The following CLEC4D variants were observed in gnomAD, a reference collection of about 807,000 sequenced individuals.
CLEC4D encodes C-type (calcium dependent, carbohydrate-recognition domain) lectin, superfamily member 8.
CLEC4D carries 21 observed loss-of-function variants against 21.1 expected under a neutral mutation model. That is an observed-to-expected ratio of 1.00 (90% CI 0.71 to 1.43). The LOEUF is 1.43. Ranked by LOEUF, CLEC4D falls within the 40% of genes most tolerant of loss-of-function variation. The pLI, the probability that CLEC4D is intolerant of heterozygous loss-of-function variation, is 0.00. For synonymous variants in CLEC4D, 85 were observed against 83.1 expected (o/e 1.02, Z -0.12); for missense variants, 289 against 260.7 (o/e 1.11, Z -0.75).
Position 8,519,072 on chromosome 12 carries a change from T to C in CLEC4D, c.296T>C (p.Leu99Pro), listed in dbSNP as rs1274959087. Reference sequence around the variant, plus strand: ...TTCCAGTCCAACTGCTATTTTCCTCTTACTGACAACAAGACGTGGGCTGAG... The same window carrying C: ...TTCCAGTCCAACTGCTATTTTCCTCCTACTGACAACAAGACGTGGGCTGAG... Reference protein sequence around the residue: ...RAFQSNCYFPLTDNKTWAESE... With the variant: ...RAFQSNCYFPPTDNKTWAESE... The change falls in exon 4 of 6, where the codon CTT (leucine) becomes CCT (proline). Residue 99 changes from leucine to proline, a missense_variant. Physicochemically the swap from Leu to Pro is moderately conservative, Grantham distance 98. Coordinates refer to ENST00000299665, the MANE Select transcript of CLEC4D (RefSeq NM_080387.5). 8.7e-6 allele frequency: 14 copies of C among 1,614,082 alleles called. No individual in the cohort carries two copies. The highest frequency in any genetic ancestry group is 1.1e-5 in the Non-Finnish European group (13 of 1,180,028).
chr12:8,525,763 T>C (rs1040944742), downstream of CLEC4D, among the ~76,000 whole-genome samples: 1 of 152,226 alleles, frequency 6.6e-6, no homozygotes, highest in Non-Finnish European at 1.5e-5. Context: ...CTTTAGTTGA[T>C]GCAGTTTCTT....
chr12:8,525,880 T>C (rs1389636763), downstream of CLEC4D, among the ~76,000 whole-genome samples: 1 of 152,206 alleles, frequency 6.6e-6, no homozygotes, highest in Non-Finnish European at 1.5e-5. Flanking sequence ...AAGGCAGGCC[T>C]GGCGGTAACG....
rs1401643347 is a variant in CLEC4D at position 8,521,344 on chromosome 12, G to A, written c.*73G>A. 1.7e-5 allele frequency: 26 copies of A among 1,529,224 alleles called. No homozygotes were observed. Among genetic ancestry groups the A allele is most frequent in the African/African-American group, 4.2e-5 (3 of 71,992 alleles). 94.7% of individuals were successfully genotyped at this position (1,529,224 alleles called of 1,614,324 possible). A position where few individuals can be genotyped will look rare whatever the true frequency, so the allele number is the denominator to read the frequency against. The stretch of plus-strand genomic sequence containing the variant: ...TTAGAATAAGGCAGAATGTACGTGC[G>A]TCATTGGAACACAGAAAACATGCTG... On this transcript the variant is annotated 3_prime_UTR_variant, in exon 6 of 6. Coordinates refer to ENST00000299665, the MANE Select transcript of CLEC4D (RefSeq NM_080387.5).
chr12:8,530,760 T>A, the CLEC4D span, among the ~76,000 whole-genome samples: 2 of 152,144 alleles, frequency 1.3e-5, no homozygotes, highest in African/African-American at 4.8e-5. Flanking sequence ...ATGGACAAAA[T>A]GTTTTAAAAA....
At position 8,519,461 on chromosome 12, in the gene CLEC4D, T is replaced by A. The variant is rs746907934; in HGVS notation, c.384+301T>A. ...GCACAACGAGATCATGGCATTTACT[T>A]CACTCCACTATAATTGTCTGTTCAC... On this transcript the variant is annotated intron_variant, in intron 4 of 5. Transcript: ENST00000299665. 8.3e-4 allele frequency among the ~76,000 whole-genome samples: 127 copies of A among 152,326 alleles called. 1 individual carries two copies. Among genetic ancestry groups the A allele is most frequent in the Admixed American group, 4.6e-3 (70 of 15,308 alleles).
downstream of CLEC4D, among the ~76,000 whole-genome samples, chr12:8,525,306 G>A (rs886471070): frequency 3.9e-5 from 6 of 152,108 alleles, no homozygotes; most frequent in African/African-American, 9.7e-5. Flanking sequence ...GGGTGTTAAA[G>A]TCTCCCACTA....
Position 8,520,299 on chromosome 12 carries a change from A to G in CLEC4D, c.458A>G (p.Gln153Arg), listed in dbSNP as rs750089630. Reference protein sequence around the residue: ...LGLRDENAKGQWRWVDQTPFN... With the variant: ...LGLRDENAKGRWRWVDQTPFN... Reference sequence around the variant, plus strand: ...CTTAGAGATGAGAATGCCAAAGGTCAGTGGCGTTGGGTGGACCAGACGCCA... The same window carrying G: ...CTTAGAGATGAGAATGCCAAAGGTCGGTGGCGTTGGGTGGACCAGACGCCA... Residue 153 changes from glutamine to arginine, a missense_variant, in exon 5 of 6, where the codon CAG becomes CGG. By Grantham distance (43) the Gln-to-Arg change is conservative. Transcript: ENST00000299665. 5 of 1,613,946 alleles carry G rather than the reference A, an allele frequency of 3.1e-6. No homozygotes were observed. In the East Asian group the frequency reaches 1.1e-4, roughly 36 times the overall value.
chr12:8,530,432 A>G, the CLEC4D span, among the ~76,000 whole-genome samples: 1 of 145,990 alleles, frequency 6.8e-6, no homozygotes, highest in African/African-American at 2.6e-5. Context: ...CATATGTCTA[A>G]ATTTTCCAGT....
intron 1 of CLEC4D, among the ~76,000 whole-genome samples, chr12:8,514,735 C>T (rs1000033961): frequency 1.3e-5 from 2 of 152,056 alleles, no homozygotes; most frequent in African/African-American, 2.4e-5. Flanking sequence ...ACAATCTTTT[C>T]GTTTACAGTT....
Position 8,513,599 on chromosome 12 carries a change from A to G in CLEC4D, c.-134A>G, listed in dbSNP as rs1174271426. 1.4e-5 allele frequency: 8 copies of G among 561,450 alleles called. No homozygotes were observed. In the East Asian group the frequency reaches 1.6e-4, roughly 11 times the overall value. The allele number at this position is 561,450 out of a possible 1,614,324, so 34.8% of individuals were successfully genotyped here. On this transcript the variant is annotated 5_prime_UTR_variant, in exon 1 of 6. Transcript: ENST00000299665. The stretch of plus-strand genomic sequence containing the variant: ...ATACTGGTACCTTTCTAATCTCACT[A>G]CAATATGTAACATTGGTGTTCGATC...
At chr12:8,531,677 A>T in the CLEC4D span, among the ~76,000 whole-genome samples, 1 of 152,302 alleles carries the variant, frequency 6.6e-6, no homozygotes, top group Non-Finnish European at 1.5e-5. Context: ...AACCAAAATA[A>T]AATTTAAAAA....
intron 4 of CLEC4D, 110 bp downstream of exon 4, chr12:8,519,270 G>T: frequency 7.2e-7 from 1 of 1,388,650 alleles, no homozygotes; most frequent in East Asian, 2.7e-5. Flanking sequence ...TGCTCCATCT[G>T]CCTGGAAAGC....
chr12:8,525,911 G>C (rs1450732845), downstream of CLEC4D, among the ~76,000 whole-genome samples: 1 of 152,124 alleles, frequency 6.6e-6, no homozygotes, highest in African/African-American at 2.4e-5. Context: ...GCATTTGCTT[G>C]TCTGGAAAGG....
downstream of CLEC4D, among the ~76,000 whole-genome samples, chr12:8,524,942 T>C (rs540625234): frequency 3.4e-3 from 522 of 152,360 alleles, 1 homozygote; most frequent in Middle Eastern, 0.01. Flanking sequence ...ATTTCTGCCT[T>C]AATTTCGTTA....
Position 8,522,037 on chromosome 12 carries a change from A to T in CLEC4D, c.*766A>T, listed in dbSNP as rs996788627. Reference sequence around the variant, plus strand: ...ATGACAGACCCAGGTGTGCTTCATTAGAGATAACATACATTCCCTTTGGTA... The same window carrying T: ...ATGACAGACCCAGGTGTGCTTCATTTGAGATAACATACATTCCCTTTGGTA... On this transcript the variant is annotated 3_prime_UTR_variant, in exon 6 of 6. Coordinates refer to ENST00000299665, the MANE Select transcript of CLEC4D (RefSeq NM_080387.5). 6.6e-6 allele frequency: 1 copy of T among 152,172 alleles called. No homozygotes were observed. The highest frequency in any genetic ancestry group is 2.4e-5 in the African/African-American group (1 of 41,456). 9.4% of individuals were successfully genotyped at this position (152,172 alleles called of 1,614,324 possible).
chr12:8,531,034 T>C, the CLEC4D span, among the ~76,000 whole-genome samples: 1 of 152,134 alleles, frequency 6.6e-6, no homozygotes, highest in Admixed American at 6.6e-5. Context: ...CCCTCCTAGA[T>C]AGTCCTCCTG....
intron 5 of CLEC4D, among the ~76,000 whole-genome samples, chr12:8,520,702 A>G (rs1300926275): frequency 1.3e-5 from 2 of 152,232 alleles, no homozygotes; most frequent in African/African-American, 4.8e-5. Context: ...TAAAAATATA[A>G]TGCAAAGCCA....
At chr12:8,518,938 G>A in intron 3 of CLEC4D, 71 bp from the exon 4 acceptor site, 4 of 1,543,974 alleles carry the variant, frequency 2.6e-6, no homozygotes, top group South Asian at 1.3e-5. Flanking sequence ...ATAGGTAGTA[G>A]AATAGTTATG....
rs11442181 is a variant in CLEC4D, at chr12:8,521,399, C to CT, written c.*134dup. On this transcript the variant is annotated 3_prime_UTR_variant, in exon 6 of 6. Transcript: ENST00000299665. The stretch of plus-strand genomic sequence containing the variant: ...ATACAGCGTTTTTAGTCATAATGGT[C>CT]TTTTTTATTTTGTTTGATTCATTCG... 54,059 of 1,436,914 alleles carry CT rather than the reference C, an allele frequency of 0.038. 1,931 individuals are homozygous for CT. Among genetic ancestry groups the CT allele is most frequent in the African/African-American group, 0.18 (12,941 of 70,384 alleles). The allele number at this position is 1,436,914 out of a possible 1,614,324, so 89.0% of individuals were successfully genotyped here. A position where few individuals can be genotyped will look rare whatever the true frequency, so the allele number is the denominator to read the frequency against.
Sources: allele counts gnomAD v4.1 joint callset (sites outside exome capture counted in the v4.1 genomes callset), GRCh38; gene constraint gnomAD v4.1.1; transcripts MANE v1.5; gene names NCBI Gene and HGNC (gene_info 2026-07-23, HGNC 2026-07-21).